The following ADAMTS15 variants were observed in gnomAD, a reference collection of about 807,000 sequenced individuals.
The protein encoded by ADAMTS15 is A disintegrin and metalloproteinase with thrombospondin motifs 15.
In ADAMTS15, 35 loss-of-function variants were observed where a neutral mutation model predicts 79.1. The ratio of observed to expected loss-of-function variants is 0.44; its 90% CI spans 0.34 to 0.59. The LOEUF is 0.59. Among genes scored for constraint, ADAMTS15 ranks in the 20% least tolerant of loss-of-function variants. The pLI, the probability that ADAMTS15 is intolerant of heterozygous loss-of-function variation, is 0.02. For synonymous variants in ADAMTS15, 616 were observed against 567.3 expected, an observed-to-expected ratio of 1.09 and a Z score of -1.22; for missense variants, 1,324 against 1,318.7, an observed-to-expected ratio of 1.00 and a Z score of -0.06.
At chr11:130,465,760 G>C (rs1264069323) in intron 4 of ADAMTS15, among the ~76,000 whole-genome samples, 1 of 151,318 alleles carries the variant, frequency 6.6e-6, no homozygotes, top group Non-Finnish European at 1.5e-5. Flanking sequence ...CCTGGAACAG[G>C]GTCTCCACTG....
chr11:130,457,273 CCT>C (rs1479316731), intron 1 of ADAMTS15, among the ~76,000 whole-genome samples: 5 of 151,906 alleles, frequency 3.3e-5, no homozygotes, highest in Non-Finnish European at 7.4e-5. Flanking sequence ...TTTGTGCATC[CCT>C]CTGTCTTTGT....
In ADAMTS15 at chr11:130,473,193, T is replaced by C. The variant is rs757741851; in HGVS notation, c.2225T>C (p.Val742Ala). ...AAGTACCTGCTCAACGGGCATTTCG[T>C]GGTGTCGGCGGTGGAGCGGGACCTG... ...QGKYLLNGHF[V>A]VSAVERDLVV... The change falls in exon 8 of 8, where the codon GTG (valine) becomes GCG (alanine). Residue 742 changes from valine to alanine, a missense_variant. Physicochemically the swap from Val to Ala is moderately conservative, Grantham distance 64. Transcript: ENST00000299164. 21 of 1,614,048 alleles carry C rather than the reference T, an allele frequency of 1.3e-5. No homozygotes were observed. The highest frequency in any genetic ancestry group is 1.8e-5 in the Non-Finnish European group (21 of 1,180,042).
intron 1 of ADAMTS15, among the ~76,000 whole-genome samples, chr11:130,459,025 GTTTTTTT>G (rs757221690): frequency 2.6e-3 from 193 of 75,404 alleles, no homozygotes; most frequent in African/African-American, 0.011. Flanking sequence ...CCTCCCAAGT[GTTTTTTT>G]TTTTTTTTTT....
At chr11:130,455,916 GGCACTT>G (rs1938069021) in intron 1 of ADAMTS15, among the ~76,000 whole-genome samples, 1 of 152,180 alleles carries the variant, frequency 6.6e-6, no homozygotes, top group Admixed American at 6.5e-5. Flanking sequence ...AGTGTCAACC[GGCACTT>G]GCTTGAGCTA....
chr11:130,470,209 T>TATATATAC (rs1491377478), intron 5 of ADAMTS15, among the ~76,000 whole-genome samples: 7 of 60,100 alleles, frequency 1.2e-4, no homozygotes, highest in African/African-American at 9.6e-5. Flanking sequence ...TATATATATA[T>TATATATAC]GTATATATAT....
Position 130,473,981 on chromosome 11 carries a change from T to C in ADAMTS15, c.*160T>C. ...TGGGCTGGGGCGAGAGGTTCCCTCC[T>C]CCTCCCTGGACTGGGCAGAGGGAAG... is the stretch of plus-strand genomic sequence containing the variant. On this transcript the variant is annotated 3_prime_UTR_variant, in exon 8 of 8. Transcript: ENST00000299164. 9.7e-7 allele frequency: 1 copy of C among 1,031,152 alleles called. No individual in the cohort carries two copies. The highest frequency in any genetic ancestry group is 1.4e-6 in the Non-Finnish European group (1 of 730,748). The allele number at this position is 1,031,152 out of a possible 1,614,324, so 63.9% of individuals were successfully genotyped here.
Position 130,472,190 on chromosome 11 carries a change from G to T in ADAMTS15, c.2078+807G>T, listed in dbSNP as rs1269118537. ...GGCTATGGTTGGCCTAGAAAATTTG[G>T]GAGCCCAGGTGCTGGTGATGGAAAG... On this transcript the variant is annotated intron_variant, in intron 7 of 7. Coordinates refer to ENST00000299164, the MANE Select transcript of ADAMTS15 (RefSeq NM_139055.4). The surrounding 1 kb of genome is among the most constrained non-coding windows in gnomAD (Gnocchi z 4.7). Among the ~76,000 whole-genome samples the T allele has an allele frequency of 6.6e-6, 1 of 152,232 alleles. No homozygotes were observed. The highest frequency in any genetic ancestry group is 1.5e-5 in the Non-Finnish European group (1 of 68,034).
chr11:130,467,434 C>T lies in ADAMTS15; in HGVS notation c.1543-1828C>T, dbSNP rs146408458. On this transcript the variant is annotated intron_variant, in intron 4 of 7. Transcript: ENST00000299164. ...AGGCCAAAGCAGGGTGGAAGGACGG[C>T]GGTGGTGGTTTTTATAGGATCAAAC... 7.7e-3 allele frequency among the ~76,000 whole-genome samples: 1,178 copies of T among 152,200 alleles called. 14 individuals carry two copies. The highest frequency in any genetic ancestry group is 9.6e-3 in the Non-Finnish European group (656 of 68,010).
chr11:130,470,936 C>G lies in ADAMTS15; in HGVS notation c.1737C>G (p.Phe579Leu). The G allele has an allele frequency of 1.2e-6, 2 of 1,613,510 alleles. No individual in the cohort carries two copies. Among genetic ancestry groups the G allele is most frequent in the Admixed American group, 1.7e-5 (1 of 59,972 alleles). ...PCPSSASGKS[F>L]REEQCEAFNG... ...CCTCCCTAGCCTCCGGAAAGAGCTTCCGGGAGGAGCAGTGTGAGGCTTTCA... is the reference window on the plus strand; with the variant it reads ...CCTCCCTAGCCTCCGGAAAGAGCTTGCGGGAGGAGCAGTGTGAGGCTTTCA... Residue 579 changes from phenylalanine to leucine, a missense_variant, in exon 6 of 8, where the codon TTC becomes TTG. Transcript: ENST00000299164.
Position 130,476,577 on chromosome 11 carries a change from A to T in ADAMTS15, c.*2756A>T, listed in dbSNP as rs934749183. ...GCTGGCTGGGCTGTGTATACTGTGTATACAAGGGAGCTGGCTGCTGAGGTG... is the reference window on the plus strand; with the variant it reads ...GCTGGCTGGGCTGTGTATACTGTGTTTACAAGGGAGCTGGCTGCTGAGGTG... On this transcript the variant is annotated 3_prime_UTR_variant, in exon 8 of 8. Transcript: ENST00000299164. 13 of 152,284 alleles carry T rather than the reference A, an allele frequency of 8.5e-5. No individual in the cohort carries two copies. The highest frequency in any genetic ancestry group is 2.9e-4 in the African/African-American group (12 of 41,454). The allele number at this position is 152,284 out of a possible 1,614,324, so 9.4% of individuals were successfully genotyped here. A position where few individuals can be genotyped will look rare whatever the true frequency, so the allele number is the denominator to read the frequency against.
At chr11:130,461,324 C>T (rs989704197) in intron 1 of ADAMTS15, among the ~76,000 whole-genome samples, 165 bp from the exon 2 acceptor site, 1 of 152,106 alleles carries the variant, frequency 6.6e-6, no homozygotes, top group Non-Finnish European at 1.5e-5. Context: ...TGTGAACAGC[C>T]CCACAACCTC....
At position 130,473,414 on chromosome 11, in the gene ADAMTS15, C is replaced by T. The variant is rs778585494; in HGVS notation, c.2446C>T (p.Arg816Trp). 1.4e-5 allele frequency: 23 copies of T among 1,612,680 alleles called. No homozygotes were observed. The highest frequency in any genetic ancestry group is 2.2e-5 in the East Asian group (1 of 44,884). The change falls in exon 8 of 8, where the codon CGG (arginine) becomes TGG (tryptophan). Residue 816 changes from arginine to tryptophan, a missense_variant. Physicochemically the swap from Arg to Trp is moderately radical, Grantham distance 101. Transcript: ENST00000299164. Reference sequence around the variant, plus strand: ...CAAGTCCTCTCATCCCAAGGACCCCCGGGGACCCTCTGTCTTGCACAACAG... The same window carrying T: ...CAAGTCCTCTCATCCCAAGGACCCCTGGGGACCCTCTGTCTTGCACAACAG... ...EDKSSHPKDP[R>W]GPSVLHNSVL...
chr11:130,461,426 T>C, intron 1 of ADAMTS15, 63 bp from the exon 2 acceptor site: 1 of 1,610,494 alleles, frequency 6.2e-7, no homozygotes, highest in Non-Finnish European at 8.5e-7. Context: ...TTTCTTCCCT[T>C]CAGGTCCCTT....
intron 1 of ADAMTS15, among the ~76,000 whole-genome samples, chr11:130,453,402 TA>T (rs142873950): frequency 0.015 from 2,291 of 151,982 alleles, 24 homozygotes; most frequent in Non-Finnish European, 0.024. Flanking sequence ...TTTATTTCTT[TA>T]TTTTTTTTAG....
chr11:130,466,311 C>T (rs1438868738), intron 4 of ADAMTS15, among the ~76,000 whole-genome samples: 2 of 152,204 alleles, frequency 1.3e-5, no homozygotes, highest in African/African-American at 4.8e-5. Context: ...CCCAAATTTG[C>T]ATCTTCAGTC....
rs143601958 is a variant in ADAMTS15, at chr11:130,449,620, T to A, written c.647T>A (p.Ile216Asn). ...GGGCGCGCCAAGCGTTTCGTGTCTA[T>A]CCCGCGGTACGTGGAGACGCTGGTG... is the stretch of plus-strand genomic sequence containing the variant. The part of the protein sequence containing the change: ...RSGRAKRFVS[I>N]PRYVETLVVA... Residue 216 changes from isoleucine (I) to asparagine (N), a missense_variant, in exon 1 of 8, where the codon ATC becomes AAC. Transcript: ENST00000299164. The surrounding 1 kb of genome is among the most constrained non-coding windows in gnomAD (Gnocchi z 7.8). The A allele has an allele frequency of 1.7e-4, 275 of 1,605,522 alleles. No individual in the cohort carries two copies. The highest frequency in any genetic ancestry group is 2.2e-4 in the Non-Finnish European group (258 of 1,176,610).
Position 130,471,017 on chromosome 11 carries a change from G to T in ADAMTS15, c.1818G>T (p.Lys606Asn). The change falls in exon 6 of 8, where the codon AAG (lysine) becomes AAT (asparagine). Residue 606 changes from lysine (K) to asparagine (N), a missense_variant. By Grantham distance (94) the Lys-to-Asn change is moderately conservative. Coordinates refer to ENST00000299164, the MANE Select transcript of ADAMTS15 (RefSeq NM_139055.4). ...CTCTCGCCGTGGCATGGGTGCCCAA[G>T]TACTCCGGCGTGTCTCCCCGGGACA... Reference protein sequence around the residue: ...RLTLAVAWVPKYSGVSPRDKC... With the variant: ...RLTLAVAWVPNYSGVSPRDKC... 6.2e-7 allele frequency: 1 copy of T among 1,613,824 alleles called. No individual in the cohort carries two copies.
chr11:130,470,164 A>ATATATATATG (rs1938407447), intron 5 of ADAMTS15, among the ~76,000 whole-genome samples: 1 of 58,244 alleles, frequency 1.7e-5, no homozygotes, highest in Non-Finnish European at 3.2e-5. Context: ...GTATATATAT[A>ATATATATATG]TATATATATA....
At chr11:130,470,119 C>CATATATATATATATAT (rs1208986843) in intron 5 of ADAMTS15, among the ~76,000 whole-genome samples, 1 of 64,018 alleles carries the variant, frequency 1.6e-5, no homozygotes, top group Admixed American at 1.8e-4. Context: ...ATTACTGAAT[C>CATATATATATATATAT]ATATATATAT....
Sources: gnomAD v4.1 joint callset for allele counts (sites outside exome capture counted in the v4.1 genomes callset) on GRCh38, gnomAD v4.1.1 for gene constraint, Gnocchi (gnomAD v3.1) non-coding constraint, MANE v1.5 for transcripts, NCBI Gene and HGNC (gene_info 2026-07-23, HGNC 2026-07-21) for gene names.